IRAK2: variants seen among roughly 807,000 people sequenced by gnomAD.
IRAK2 encodes interleukin-1 receptor-associated kinase-like 2.
A neutral mutation model predicts 72.0 loss-of-function variants in IRAK2; 57 were observed. The ratio of observed to expected loss-of-function variants is 0.79; its 90% CI spans 0.64 to 0.99. IRAK2 has a LOEUF of 0.99. IRAK2 is among the 50% of genes least tolerant of loss of function. The pLI is 0.00. For synonymous variants in IRAK2, 293 were observed against 312.7 expected, an observed-to-expected ratio of 0.94 and a Z score of 0.67; for missense variants, 790 against 794.4, an observed-to-expected ratio of 0.99 and a Z score of 0.07.
Position 10,213,365 on chromosome 3 carries a change from G to T in IRAK2, c.687G>T (p.Arg229Ser). Residue 229 changes from arginine (R) to serine (S), a missense_variant, in exon 5 of 13, where the codon AGG (arginine) becomes AGT (serine). Coordinates refer to ENST00000256458, the MANE Select transcript of IRAK2 (RefSeq NM_001570.4). ...TTGCTGACGTCTACAGAGGGCACAG[G>T]CACGGGAAGCCATTCGTCTTCAAGA... ...GTFADVYRGH[R>S]HGKPFVFKKL... 1 of 1,614,140 alleles carries T rather than the reference G, an allele frequency of 6.2e-7. No homozygotes were observed. Among genetic ancestry groups the T allele is most frequent in the Non-Finnish European group, 8.5e-7 (1 of 1,180,032 alleles).
intron 1 of IRAK2, among the ~76,000 whole-genome samples, chr3:10,176,822 A>T (rs1172525963): frequency 2.1e-5 from 3 of 146,266 alleles, no homozygotes; most frequent in Non-Finnish European, 4.5e-5. Context: ...TTTTGTTTTG[A>T]GATGGAGTCT....
chr3:10,216,721 C>T (rs1265192421), intron 6 of IRAK2, among the ~76,000 whole-genome samples: 2 of 152,070 alleles, frequency 1.3e-5, no homozygotes, highest in Non-Finnish European at 2.9e-5. Flanking sequence ...TGTTGCAGAG[C>T]AGTAAAGCAG....
intron 9 of IRAK2, among the ~76,000 whole-genome samples, chr3:10,224,325 A>C (rs922323966): frequency 1.4e-5 from 2 of 146,436 alleles, no homozygotes; most frequent in African/African-American, 5.1e-5. Flanking sequence ...CAACAGAGCA[A>C]GATTCTGTCT....
At chr3:10,169,086 C>T (rs944051407) in intron 1 of IRAK2, among the ~76,000 whole-genome samples, 1 of 151,870 alleles carries the variant, frequency 6.6e-6, no homozygotes, top group Non-Finnish European at 1.5e-5. Context: ...ATGGTGACCC[C>T]GAGCCACAAA....
chr3:10,242,298 G>C lies in IRAK2; in HGVS notation c.*70G>C, dbSNP rs1178305798. ...GAGCATCAGATCAAGAAAAAGGTCT[G>C]AGGCAGAATCCAAGATCTGCCAGGA... On this transcript the variant is annotated 3_prime_UTR_variant, in exon 13 of 13. Coordinates refer to ENST00000256458, the MANE Select transcript of IRAK2 (RefSeq NM_001570.4). The C allele has an allele frequency of 2.3e-6, 2 of 877,924 alleles. No individual in the cohort carries two copies. The highest frequency in any genetic ancestry group is 3.6e-6 in the Non-Finnish European group (2 of 556,694). 54.4% of individuals were successfully genotyped at this position (877,924 alleles called of 1,614,324 possible). A position where few individuals can be genotyped will look rare whatever the true frequency, so the allele number is the denominator to read the frequency against.
chr3:10,183,720 AAAAT>A (rs71055805), intron 2 of IRAK2, among the ~76,000 whole-genome samples: 8 of 151,122 alleles, frequency 5.3e-5, no homozygotes, highest in East Asian at 1.9e-4. Context: ...ACTCCGTCTC[AAAAT>A]AAATAAATAA....
intron 2 of IRAK2, among the ~76,000 whole-genome samples, chr3:10,194,942 A>T (rs1697240178): frequency 1.3e-5 from 2 of 151,968 alleles, no homozygotes; most frequent in Admixed American, 1.3e-4. Flanking sequence ...GGGAGGGTGG[A>T]TGTTAGCCCC....
At chr3:10,189,937 C>T (rs897140835) in intron 2 of IRAK2, among the ~76,000 whole-genome samples, 2 of 152,026 alleles carry the variant, frequency 1.3e-5, no homozygotes, top group Admixed American at 6.6e-5. Flanking sequence ...TGGGCCAAAA[C>T]CACAGGCCAG....
chr3:10,175,568 AC>A (rs1225095415), intron 1 of IRAK2, among the ~76,000 whole-genome samples: 1 of 152,062 alleles, frequency 6.6e-6, no homozygotes, highest in African/African-American at 2.4e-5. Flanking sequence ...AGCCTGGGCA[AC>A]ATAGTGAGAC....
intron 2 of IRAK2, among the ~76,000 whole-genome samples, chr3:10,180,647 T>C (rs1196622806): frequency 6.6e-6 from 1 of 151,934 alleles, no homozygotes; most frequent in African/African-American, 2.4e-5. Flanking sequence ...TCAGACCAGA[T>C]TCAGCACCTG....
intron 2 of IRAK2, among the ~76,000 whole-genome samples, chr3:10,184,970 A>T (rs1418957277): frequency 6.7e-6 from 1 of 150,054 alleles, no homozygotes; most frequent in Non-Finnish European, 1.5e-5. Flanking sequence ...TGACCTCGTG[A>T]TCCGCCCGCC....
At chr3:10,223,250 T>G (rs1430722700) in intron 9 of IRAK2, among the ~76,000 whole-genome samples, 1 of 152,118 alleles carries the variant, frequency 6.6e-6, no homozygotes. Flanking sequence ...CAGTTGTCTA[T>G]TTGTCCTTAT....
chr3:10,165,392 C>T (rs970750565), intron 1 of IRAK2, among the ~76,000 whole-genome samples: 10 of 152,080 alleles, frequency 6.6e-5, no homozygotes, highest in Non-Finnish European at 1.5e-5. Flanking sequence ...GTGCGAGCCT[C>T]GACCCTGTAG....
At chr3:10,168,850 G>A (rs1696745852) in intron 1 of IRAK2, among the ~76,000 whole-genome samples, 1 of 152,142 alleles carries the variant, frequency 6.6e-6, no homozygotes, top group African/African-American at 2.4e-5. Context: ...CTCTGCCTGG[G>A]ACGTTCTTCC....
At chr3:10,237,603 C>A (rs949041052) in intron 11 of IRAK2, among the ~76,000 whole-genome samples, 3 of 151,772 alleles carry the variant, frequency 2.0e-5, no homozygotes, top group Non-Finnish European at 2.9e-5. Flanking sequence ...GTCAGGAGAT[C>A]GAGACCATCT....
chr3:10,218,445 AC>A lies in IRAK2; in HGVS notation c.904-1233del, dbSNP rs200979342. Among the ~76,000 whole-genome samples the A allele has an allele frequency of 1.6e-3, 203 of 129,298 alleles. 4 individuals are homozygous for A. Among genetic ancestry groups the A allele is most frequent in the African/African-American group, 4.4e-3 (159 of 36,120 alleles). 84.8% of individuals were successfully genotyped at this position (129,298 alleles called of 152,430 possible). A position where few individuals can be genotyped will look rare whatever the true frequency, so the allele number is the denominator to read the frequency against. ...TCTCAAAAAAAAAAAAAAAAAAAAAACCAAAACGGTGATGATTTAGCCTGGG... is the reference window on the plus strand; with the variant it reads ...TCTCAAAAAAAAAAAAAAAAAAAAAACAAAACGGTGATGATTTAGCCTGGG... On this transcript the variant is annotated intron_variant, in intron 7 of 12. Transcript: ENST00000256458.
intron 10 of IRAK2, among the ~76,000 whole-genome samples, chr3:10,230,221 G>A (rs1288232308): frequency 6.6e-6 from 1 of 152,104 alleles, no homozygotes; most frequent in East Asian, 1.9e-4. Flanking sequence ...ATAGATGGAT[G>A]AATGAATGAA....
chr3:10,165,878 C>A (rs565069158), intron 1 of IRAK2, among the ~76,000 whole-genome samples: 81 of 152,152 alleles, frequency 5.3e-4, no homozygotes, highest in African/African-American at 1.9e-3. Context: ...CTACAGGCGC[C>A]CGCCACCACG....
At chr3:10,193,375 A>G (rs1202970265) in intron 2 of IRAK2, among the ~76,000 whole-genome samples, 1 of 152,058 alleles carries the variant, frequency 6.6e-6, no homozygotes, top group Non-Finnish European at 1.5e-5. Context: ...AGGCCAAGGC[A>G]GGTAGATTGC....
Sources: gnomAD v4.1 joint callset for allele counts (sites outside exome capture counted in the v4.1 genomes callset) on GRCh38, gnomAD v4.1.1 for gene constraint, MANE v1.5 for transcripts, NCBI Gene and HGNC (gene_info 2026-07-23, HGNC 2026-07-21) for gene names.